FAM234B: variants seen among roughly 807,000 people sequenced by gnomAD.
The protein encoded by FAM234B is family with sequence similarity 234 member B.
A neutral mutation model predicts 69.3 loss-of-function variants in FAM234B; 33 were observed. The observed-to-expected ratio is 0.48, with a 90% CI of 0.36 to 0.64. The LOEUF is 0.64. Among genes scored for constraint, FAM234B ranks in the 30% least tolerant of loss-of-function variants. The pLI, the probability that FAM234B is intolerant of heterozygous loss-of-function variation, is 0.00. For missense variants in FAM234B, 697 were observed against 769.7 expected (o/e 0.91, Z 1.12); for synonymous variants, 306 against 306.9 (o/e 1.00, Z 0.03).
intron 10 of FAM234B, among the ~76,000 whole-genome samples, chr12:13,074,290 A>G (rs1339887726): frequency 2.0e-5 from 3 of 152,226 alleles, no homozygotes; most frequent in South Asian, 2.1e-4. Context: ...GTAGTCTTCT[A>G]TAAATAACTA....
Position 13,066,706 on chromosome 12 carries a change from A to G in FAM234B, c.919A>G (p.Asn307Asp). The G allele has an allele frequency of 6.2e-7, 1 of 1,613,992 alleles. No homozygotes were observed. Among genetic ancestry groups the G allele is most frequent in the Non-Finnish European group, 8.5e-7 (1 of 1,179,906 alleles). Reference sequence around the variant, plus strand: ...TCCAGTGGGTCGACCTGTGAAGTACAACATCGTTGGAGTTGGGAATCTGAT... The same window carrying G: ...TCCAGTGGGTCGACCTGTGAAGTACGACATCGTTGGAGTTGGGAATCTGAT... The part of the protein sequence containing the change: ...GNPVGRPVKY[N>D]IVGVGNLIGP... The change falls in exon 6 of 13, where the codon AAC becomes GAC. Residue 307 changes from asparagine to aspartate, a missense_variant. By Grantham distance (23) the Asn-to-Asp change is conservative. This residue lies in a region of FAM234B where 380 missense variants were observed against 447.1 expected (regional missense o/e 0.85). Coordinates refer to ENST00000197268, the MANE Select transcript of FAM234B (RefSeq NM_020853.2).
In FAM234B at chr12:13,071,410, G is replaced by C. The variant is rs1865105608; in HGVS notation, c.1524+14G>C. 4 of 1,613,136 alleles carry C rather than the reference G, an allele frequency of 2.5e-6. No homozygotes were observed. The East Asian group carries it at 8.9e-5, about 36-fold the overall frequency. On this transcript the variant is annotated intron_variant, in intron 10 of 12. Coordinates refer to ENST00000197268, the MANE Select transcript of FAM234B (RefSeq NM_020853.2). ...TCTCCCAATTCCGTGAGTGAGCCTG[G>C]GAGGGTCCCTTTTTTACTTTGTCAG...
At chr12:13,047,895 T>A (rs999283354) in intron 1 of FAM234B, among the ~76,000 whole-genome samples, 2 of 152,100 alleles carry the variant, frequency 1.3e-5, no homozygotes, top group East Asian at 3.8e-4. Context: ...TTGGTGGACG[T>A]CTTTTACTTC....
chr12:13,050,124 A>G (rs886448328), intron 1 of FAM234B, among the ~76,000 whole-genome samples: 1 of 152,154 alleles, frequency 6.6e-6, no homozygotes, highest in Non-Finnish European at 1.5e-5. Context: ...TTGTTTTGCC[A>G]GTTATCAATT....
intron 8 of FAM234B, 56 bp downstream of exon 8, chr12:13,068,503 A>C: frequency 2.5e-6 from 4 of 1,603,938 alleles, no homozygotes; most frequent in Non-Finnish European, 3.4e-6. Context: ...CCCATGTTTA[A>C]AAATTGTCCA....
rs556601241 is a variant in FAM234B, at chr12:13,081,891, A to C, written c.*1261A>C. On this transcript the variant is annotated 3_prime_UTR_variant, in exon 13 of 13. Coordinates refer to ENST00000197268, the MANE Select transcript of FAM234B (RefSeq NM_020853.2). ...GCGGATGGAAAACTGCTTCTTGAAT[A>C]ACCTTGATAGGTCATCCCTGAGTGC... The C allele has an allele frequency of 2.6e-5, 4 of 151,378 alleles. No homozygotes were observed. Among genetic ancestry groups the C allele is most frequent in the Admixed American group, 2.0e-4 (3 of 15,240 alleles). The allele number at this position is 151,378 out of a possible 1,614,324, so 9.4% of individuals were successfully genotyped here. A position where few individuals can be genotyped will look rare whatever the true frequency, so the allele number is the denominator to read the frequency against.
intron 9 of FAM234B, among the ~76,000 whole-genome samples, chr12:13,069,596 T>G (rs956008717): frequency 2.7e-5 from 4 of 150,810 alleles, no homozygotes; most frequent in Non-Finnish European, 5.9e-5. Flanking sequence ...GCAGATGGAG[T>G]GCAGGCGAGC....
At chr12:13,058,349 G>A (rs913964227) in intron 2 of FAM234B, 102 bp from the exon 3 acceptor site, 5 of 872,940 alleles carry the variant, frequency 5.7e-6, no homozygotes, top group African/African-American at 3.3e-5. Context: ...ATACCTAGTC[G>A]AGGAACTGGA....
intron 5 of FAM234B, 134 bp downstream of exon 5, chr12:13,063,109 C>G: frequency 1.9e-6 from 2 of 1,078,706 alleles, no homozygotes; most frequent in African/African-American, 1.6e-5. Flanking sequence ...AGTAAATTCT[C>G]TTTGTGAGGT....
intron 4 of FAM234B, 100 bp from the exon 5 acceptor site, chr12:13,062,745 C>A: frequency 7.8e-7 from 1 of 1,285,480 alleles, no homozygotes; most frequent in Non-Finnish European, 1.1e-6. Context: ...GTCTGTTGTT[C>A]AGCCCCTTGC....
intron 10 of FAM234B, 125 bp from the exon 11 acceptor site, chr12:13,075,901 A>G (rs919243058): frequency 1.3e-6 from 1 of 762,018 alleles, no homozygotes; most frequent in Admixed American, 1.7e-5. Context: ...TGTAGTTAGG[A>G]TCAGGCATTA....
At chr12:13,057,794 T>G (rs1207562117) in intron 2 of FAM234B, among the ~76,000 whole-genome samples, 1 of 152,094 alleles carries the variant, frequency 6.6e-6, no homozygotes, top group Non-Finnish European at 1.5e-5. Context: ...AGGGCTGCCT[T>G]GTTGATGCTA....
At chr12:13,069,081 A>G (rs1225717556) in intron 9 of FAM234B, among the ~76,000 whole-genome samples, 1 of 152,206 alleles carries the variant, frequency 6.6e-6, no homozygotes, top group Non-Finnish European at 1.5e-5. Flanking sequence ...CTGGGGTTTT[A>G]TGGAAGACCT....
In FAM234B at chr12:13,080,621, A is replaced by G. The variant is rs778264725; in HGVS notation, c.1864-4A>G. The G allele has an allele frequency of 4.4e-6, 7 of 1,605,494 alleles. No individual in the cohort carries two copies. In the South Asian group the frequency reaches 7.7e-5, roughly 18 times the overall value. Reference sequence around the variant, plus strand: ...ATAAAGTCACGATAACTCTTTTTCCATAGATCTAATCTGATGGAATCTTCA... The same window carrying G: ...ATAAAGTCACGATAACTCTTTTTCCGTAGATCTAATCTGATGGAATCTTCA... On this transcript the variant is annotated splice_polypyrimidine_tract_variant and splice_region_variant and intron_variant, in intron 12 of 12. Coordinates refer to ENST00000197268, the MANE Select transcript of FAM234B (RefSeq NM_020853.2).
In FAM234B at chr12:13,067,449, A is replaced by G. The variant is rs763409085; in HGVS notation, c.1142+153A>G. Among the ~76,000 whole-genome samples, 2 of 152,222 alleles carry G rather than the reference A, an allele frequency of 1.3e-5. No homozygotes were observed. Among genetic ancestry groups the G allele is most frequent in the Non-Finnish European group, 2.9e-5 (2 of 68,032 alleles). On this transcript the variant is annotated intron_variant, in intron 7 of 12. Transcript: ENST00000197268. This position sits in a 1 kb window ranked among gnomAD's most constrained non-coding sequence, Gnocchi z 4.7. ...TTTACCATCTTCTGATCTGGTTAAC[A>G]TGAGTTAGAAATTTTCTTCTCTTGG...
Position 13,062,835 on chromosome 12 carries a change from C to T in FAM234B, c.722-10C>T, listed in dbSNP as rs542999373. On this transcript the variant is annotated splice_polypyrimidine_tract_variant and intron_variant, in intron 4 of 12. Coordinates refer to ENST00000197268, the MANE Select transcript of FAM234B (RefSeq NM_020853.2). ...TTGTCATAGTGACCAGCCTATGTGT[C>T]CTTCCTCAGGGAAAGCCATTTGGAC... The T allele has an allele frequency of 1.9e-5, 30 of 1,613,590 alleles. No individual in the cohort carries two copies. In the Admixed American group the frequency reaches 2.0e-4, roughly 11 times the overall value.
rs1233124342 is a variant in FAM234B at position 13,067,965 on chromosome 12, C to T, written c.1143-339C>T. On this transcript the variant is annotated intron_variant, in intron 7 of 12. Coordinates refer to ENST00000197268, the MANE Select transcript of FAM234B (RefSeq NM_020853.2). The surrounding 1 kb of genome is among the most constrained non-coding windows in gnomAD (Gnocchi z 4.7). ...GCTGCTGCCCAAGCTCATTGGCAACCTCTGGCCTCCTGTCCAGATCTCTGT... is the reference window on the plus strand; with the variant it reads ...GCTGCTGCCCAAGCTCATTGGCAACTTCTGGCCTCCTGTCCAGATCTCTGT... Among the ~76,000 whole-genome samples, 5 of 152,334 alleles carry T rather than the reference C, an allele frequency of 3.3e-5. No homozygotes were observed. Among genetic ancestry groups the T allele is most frequent in the African/African-American group, 1.2e-4 (5 of 41,582 alleles).
intron 8 of FAM234B, 81 bp downstream of exon 8, chr12:13,068,528 A>C (rs1865067009): frequency 3.1e-6 from 5 of 1,590,696 alleles, no homozygotes; most frequent in South Asian, 2.3e-5. Context: ...AATTGCTTGC[A>C]ATTCTTATAT....
At chr12:13,066,180 C>T (rs1865034588) in intron 5 of FAM234B, among the ~76,000 whole-genome samples, 1 of 152,174 alleles carries the variant, frequency 6.6e-6, no homozygotes, top group African/African-American at 2.4e-5. Flanking sequence ...AAAAAGTTTG[C>T]TGTTCTCTCT....
Sources: gnomAD v4.1 joint callset for allele counts (sites outside exome capture counted in the v4.1 genomes callset) on GRCh38, gnomAD v4.1.1 for gene constraint, gnomAD v4.1.1 regional missense constraint, Gnocchi (gnomAD v3.1) non-coding constraint, MANE v1.5 for transcripts, NCBI Gene and HGNC (gene_info 2026-07-23, HGNC 2026-07-21) for gene names.